FCHO2: variants seen among roughly 807,000 people sequenced by gnomAD.
The protein encoded by FCHO2 is F-BAR domain only protein 2.
Under a neutral mutation model 114.1 loss-of-function variants are expected in FCHO2, and 43 were observed. The ratio of observed to expected loss-of-function variants is 0.38; its 90% CI spans 0.30 to 0.49. The LOEUF is 0.49. FCHO2 is among the 20% of genes least tolerant of loss of function. The probability of loss-of-function intolerance (pLI) is 0.97; values close to 1 mark genes in which losing one functional copy is unlikely to be tolerated. For synonymous variants in FCHO2, 293 were observed against 315.2 expected, an observed-to-expected ratio of 0.93 and a Z score of 0.75; for missense variants, 807 against 950.4, an observed-to-expected ratio of 0.85 and a Z score of 1.98.
At chr5:73,084,223 C>A (rs888261700) in intron 24 of FCHO2, among the ~76,000 whole-genome samples, 1 of 151,988 alleles carries the variant, frequency 6.6e-6, no homozygotes, top group African/African-American at 2.4e-5. Flanking sequence ...TTTTAGTCTA[C>A]AATAACTTTT....
At chr5:73,034,267 C>T (rs1455065704) in intron 8 of FCHO2, among the ~76,000 whole-genome samples, 1 of 152,090 alleles carries the variant, frequency 6.6e-6, no homozygotes, top group Admixed American at 6.5e-5. Flanking sequence ...CTTGGTAGCC[C>T]TGTTCTTCCC....
chr5:73,070,141 G>T (rs1460737878), intron 19 of FCHO2, among the ~76,000 whole-genome samples: 1 of 151,982 alleles, frequency 6.6e-6, no homozygotes, highest in Non-Finnish European at 1.5e-5. Context: ...CGTTTAATAG[G>T]CATTCCAGGT....
At chr5:73,051,448 A>G (rs1384397067) in intron 12 of FCHO2, 42 bp downstream of exon 12, 2 of 1,294,652 alleles carry the variant, frequency 1.5e-6, no homozygotes, top group African/African-American at 1.5e-5. Flanking sequence ...TTATGTTGGC[A>G]TATAAGTAGG....
At chr5:73,031,228 T>C (rs964287332) in intron 8 of FCHO2, among the ~76,000 whole-genome samples, 6 of 152,346 alleles carry the variant, frequency 3.9e-5, no homozygotes, top group Admixed American at 3.3e-4. Flanking sequence ...TCCATTGTTA[T>C]GAGTCACAAC....
intron 14 of FCHO2, 129 bp from the exon 15 acceptor site, chr5:73,054,396 A>AGTG: frequency 1.1e-6 from 1 of 907,546 alleles, no homozygotes; most frequent in Non-Finnish European, 1.7e-6. Flanking sequence ...TTTTATGTAA[A>AGTG]TACACTTTAC....
At chr5:73,034,942 A>G (rs1407036416) in intron 9 of FCHO2, among the ~76,000 whole-genome samples, 3 of 152,244 alleles carry the variant, frequency 2.0e-5, no homozygotes, top group Non-Finnish European at 2.9e-5. Flanking sequence ...TGAGTATAAC[A>G]TGCATTTGTT....
rs774670734 is a variant in FCHO2 at position 73,052,522 on chromosome 5, G to A, written c.1173+15G>A. 1.9e-6 allele frequency: 3 copies of A among 1,558,694 alleles called. No individual in the cohort carries two copies. The highest frequency in any genetic ancestry group is 2.6e-6 in the Non-Finnish European group (3 of 1,151,596). On this transcript the variant is annotated intron_variant, in intron 13 of 25. Coordinates refer to ENST00000430046, the MANE Select transcript of FCHO2 (RefSeq NM_138782.3). ...CAGCAATATCTGTAAGTACAAACAC[G>A]TTTGTACTCTTTATATAAAAGTCTT...
At chr5:73,034,275 C>T (rs1388850682) in intron 8 of FCHO2, among the ~76,000 whole-genome samples, 1 of 152,134 alleles carries the variant, frequency 6.6e-6, no homozygotes, top group Non-Finnish European at 1.5e-5. Flanking sequence ...CCCTGTTCTT[C>T]CCATGAACAC....
chr5:73,025,388 T>C (rs1463860585), intron 8 of FCHO2, among the ~76,000 whole-genome samples: 3 of 150,386 alleles, frequency 2.0e-5, no homozygotes, highest in African/African-American at 7.3e-5. Flanking sequence ...TTTTTTTTTT[T>C]TTTTTTTGAG....
chr5:73,014,669 T>G (rs1257309231), intron 6 of FCHO2, among the ~76,000 whole-genome samples: 2 of 152,194 alleles, frequency 1.3e-5, no homozygotes, highest in Non-Finnish European at 2.9e-5. Flanking sequence ...AAACTGTAGT[T>G]TTTGCTTTGC....
At chr5:73,034,037 T>C (rs1442707262) in intron 8 of FCHO2, among the ~76,000 whole-genome samples, 1 of 152,264 alleles carries the variant, frequency 6.6e-6, no homozygotes, top group East Asian at 1.9e-4. Context: ...TCCTGTAAGC[T>C]GTAGTTCACA....
At chr5:73,036,399 G>C (rs773836092) in intron 9 of FCHO2, among the ~76,000 whole-genome samples, 1 of 151,222 alleles carries the variant, frequency 6.6e-6, no homozygotes, top group Non-Finnish European at 1.5e-5. Context: ...TTTGAGGTAG[G>C]GTCTCACTCT....
intron 6 of FCHO2, among the ~76,000 whole-genome samples, chr5:73,010,590 T>C (rs981767688): frequency 2.0e-5 from 3 of 151,960 alleles, no homozygotes; most frequent in African/African-American, 4.8e-5. Context: ...AATGTACTTA[T>C]GCCTGGCCAG....
At position 72,980,098 on chromosome 5, in the gene FCHO2, C is replaced by T. The variant is rs137907520; in HGVS notation, c.126-9329C>T. Among the ~76,000 whole-genome samples the T allele has an allele frequency of 3.6e-3, 544 of 152,218 alleles. 5 individuals are homozygous for T. Among genetic ancestry groups the T allele is most frequent in the African/African-American group, 0.013 (528 of 41,530 alleles). On this transcript the variant is annotated intron_variant, in intron 2 of 25. Transcript: ENST00000430046. ...GTGGGCATTTAGTGCTATAAATTTC[C>T]CTCTAAACACTGTTTCAGCTGTGTC...
chr5:73,063,036 C>T (rs1042408059), intron 17 of FCHO2, among the ~76,000 whole-genome samples: 1 of 152,010 alleles, frequency 6.6e-6, no homozygotes, highest in African/African-American at 2.4e-5. Context: ...GATTATTAAA[C>T]ATGATTTTAA....
At chr5:73,021,209 T>C (rs1398593667) in intron 8 of FCHO2, 4 of 745,306 alleles carry the variant, frequency 5.4e-6, no homozygotes, top group Middle Eastern at 5.3e-4. Flanking sequence ...GATTTGACTG[T>C]GGGAAAAACT....
At chr5:72,973,226 T>C (rs1240721305) in intron 2 of FCHO2, among the ~76,000 whole-genome samples, 1 of 152,168 alleles carries the variant, frequency 6.6e-6, no homozygotes, top group Non-Finnish European at 1.5e-5. Context: ...TAAAATGAGT[T>C]AGGGAGGATT....
intron 6 of FCHO2, among the ~76,000 whole-genome samples, chr5:73,014,446 G>T (rs182871713): frequency 1.3e-5 from 2 of 151,432 alleles, no homozygotes; most frequent in African/African-American, 4.9e-5. Flanking sequence ...GCGCCACCAC[G>T]CCTGGCTAAT....
intron 1 of FCHO2, among the ~76,000 whole-genome samples, chr5:72,957,569 A>G (rs1469515150): frequency 3.9e-5 from 6 of 152,226 alleles, no homozygotes; most frequent in Admixed American, 3.3e-4. Context: ...ATAATATTCC[A>G]TTCCACATTT....
Sources: allele counts gnomAD v4.1 joint callset (sites outside exome capture counted in the v4.1 genomes callset), GRCh38; gene constraint gnomAD v4.1.1; transcripts MANE v1.5; gene names NCBI Gene and HGNC (gene_info 2026-07-23, HGNC 2026-07-21).